The following HAPLN1 variants were observed in gnomAD, a reference collection of about 807,000 sequenced individuals.
The protein encoded by HAPLN1 is hyaluronan and proteoglycan link protein 1, also known as Cartilage link protein.
HAPLN1 carries 13 observed loss-of-function variants against 36.5 expected under a neutral mutation model. The observed-to-expected ratio is 0.36, with a 90% CI of 0.23 to 0.57. HAPLN1 has a LOEUF of 0.57. Ranked by LOEUF, HAPLN1 falls within the 20% of genes least tolerant of loss-of-function variation. HAPLN1 has a pLI of 0.83. For synonymous variants in HAPLN1, 202 were observed against 169.8 expected (o/e 1.19, Z -1.48); for missense variants, 407 against 439.7 (o/e 0.93, Z 0.66).
intron 2 of HAPLN1, among the ~76,000 whole-genome samples, chr5:83,667,043 T>A (rs181111917): frequency 6.6e-6 from 1 of 152,340 alleles, no homozygotes; most frequent in African/African-American, 2.4e-5. Context: ...ACTGTCTCTC[T>A]CACTAGACTA....
At chr5:83,658,047 G>GTTAA (rs1454114285) in intron 2 of HAPLN1, among the ~76,000 whole-genome samples, 1 of 151,888 alleles carries the variant, frequency 6.6e-6, no homozygotes, top group Non-Finnish European at 1.5e-5. Flanking sequence ...CAAACAGAAA[G>GTTAA]TTAATTTCTT....
chr5:83,676,673 T>A (rs561424924), intron 1 of HAPLN1, among the ~76,000 whole-genome samples: 6 of 152,328 alleles, frequency 3.9e-5, no homozygotes, highest in African/African-American at 1.4e-4. Flanking sequence ...CTCCTCTTAA[T>A]GTCTAGGTAT....
intron 1 of HAPLN1, among the ~76,000 whole-genome samples, chr5:83,718,789 C>A (rs560099884): frequency 1.3e-5 from 2 of 152,008 alleles, no homozygotes; most frequent in Non-Finnish European, 2.9e-5. Context: ...CTTAAAAATG[C>A]AATCTGAAAA....
At position 83,652,514 on chromosome 5, in the gene HAPLN1, A is replaced by G. The variant is rs141629132; in HGVS notation, c.411T>C (p.Tyr137=). The G allele has an allele frequency of 1.2e-6, 2 of 1,613,926 alleles. No homozygotes were observed. The highest frequency in any genetic ancestry group is 2.7e-5 in the African/African-American group (2 of 74,920). Residue 137 remains tyrosine (Y), a synonymous_variant, in exon 3 of 5, where the codon TAT becomes TAC. Transcript: ENST00000274341. ...CTAATCCTTCAATCACCTCACACTTATATCTCCCATAATCTTCCAGAGTGA... is the reference window on the plus strand; with the variant it reads ...CTAATCCTTCAATCACCTCACACTTGTATCTCCCATAATCTTCCAGAGTGA... ...TDLTLEDYGR[Y]KCEVIEGLED...
chr5:83,687,265 C>T (rs981324185), intron 1 of HAPLN1, among the ~76,000 whole-genome samples: 2 of 152,114 alleles, frequency 1.3e-5, no homozygotes, highest in Non-Finnish European at 2.9e-5. Flanking sequence ...AAACATCTGC[C>T]GTTCCTCTCA....
intron 3 of HAPLN1, among the ~76,000 whole-genome samples, chr5:83,649,781 C>T (rs1750000764): frequency 6.6e-6 from 1 of 152,150 alleles, no homozygotes; most frequent in African/African-American, 2.4e-5. Context: ...TTCCATGACT[C>T]CCACATTGCA....
At chr5:83,697,769 C>T (rs1054449476) in intron 1 of HAPLN1, among the ~76,000 whole-genome samples, 2 of 152,050 alleles carry the variant, frequency 1.3e-5, no homozygotes, top group African/African-American at 4.8e-5. Flanking sequence ...GGGTATAACT[C>T]GTATTTTCCT....
At chr5:83,644,165 T>C (rs577460865) in intron 4 of HAPLN1, among the ~76,000 whole-genome samples, 198 bp downstream of exon 4, 1 of 152,340 alleles carries the variant, frequency 6.6e-6, no homozygotes, top group East Asian at 1.9e-4. Context: ...ACTGGGAATA[T>C]GTACTTTTGC....
chr5:83,715,952 AGAATG>A (rs1224845970), intron 1 of HAPLN1, among the ~76,000 whole-genome samples: 2 of 152,228 alleles, frequency 1.3e-5, no homozygotes, highest in African/African-American at 4.8e-5. Flanking sequence ...TGATTATTTT[AGAATG>A]GATTTTCATA....
intron 1 of HAPLN1, among the ~76,000 whole-genome samples, chr5:83,686,374 G>C (rs1751127570): frequency 6.6e-6 from 1 of 152,108 alleles, no homozygotes; most frequent in African/African-American, 2.4e-5. Context: ...CTGTCAAATA[G>C]AATCAGTTCT....
chr5:83,645,302 A>G (rs1037492237), intron 3 of HAPLN1, among the ~76,000 whole-genome samples: 4 of 152,126 alleles, frequency 2.6e-5, no homozygotes, highest in African/African-American at 7.2e-5. Flanking sequence ...CAGATAAGTA[A>G]CCTTCACTTA....
At chr5:83,671,469 A>G (rs1750716922) in intron 2 of HAPLN1, among the ~76,000 whole-genome samples, 1 of 152,212 alleles carries the variant, frequency 6.6e-6, no homozygotes, top group Non-Finnish European at 1.5e-5. Flanking sequence ...AAAGTTTTAA[A>G]TATAAGAAAA....
At position 83,637,859 on chromosome 5, in the gene HAPLN1, T is replaced by C. The variant is rs1328915218; in HGVS notation, c.*3637A>G. ...GCACTCATGATTAAGTTATAAAGCATTTAAAATGTGTTAATCTAATCAACA... is the reference window on the plus strand; with the variant it reads ...GCACTCATGATTAAGTTATAAAGCACTTAAAATGTGTTAATCTAATCAACA... On this transcript the variant is annotated 3_prime_UTR_variant, in exon 5 of 5. Coordinates refer to ENST00000274341, the MANE Select transcript of HAPLN1 (RefSeq NM_001884.4). 1 of 152,022 alleles carries C rather than the reference T, an allele frequency of 6.6e-6. No homozygotes were observed. The highest frequency in any genetic ancestry group is 1.5e-5 in the Non-Finnish European group (1 of 67,910). 9.4% of individuals were successfully genotyped at this position (152,022 alleles called of 1,614,324 possible).
intron 1 of HAPLN1, among the ~76,000 whole-genome samples, chr5:83,687,384 A>C (rs1337217523): frequency 6.6e-6 from 1 of 152,198 alleles, no homozygotes; most frequent in Admixed American, 6.5e-5. Flanking sequence ...GCAAGAGCAT[A>C]AATTTCTGTT....
chr5:83,652,423 A>G (rs766567138), intron 3 of HAPLN1, 30 bp downstream of exon 3: 3 of 1,582,498 alleles, frequency 1.9e-6, no homozygotes, highest in Middle Eastern at 1.8e-4. Flanking sequence ...ATGACCATTT[A>G]TACGTTGAAC....
intron 1 of HAPLN1, among the ~76,000 whole-genome samples, chr5:83,700,394 T>A (rs1286823739): frequency 6.6e-6 from 1 of 152,130 alleles, no homozygotes; most frequent in African/African-American, 2.4e-5. Flanking sequence ...CTTATAGCAA[T>A]ATCCATCATG....
rs1454965763 is a variant in HAPLN1 at position 83,673,465 on chromosome 5, T to C, written c.59A>G (p.Asp20Gly). The change falls in exon 2 of 5, where the codon GAC becomes GGC. Residue 20 changes from aspartate (D) to glycine (G), a missense_variant. Coordinates refer to ENST00000274341, the MANE Select transcript of HAPLN1 (RefSeq NM_001884.4). ...ISICWADHLS[D>G]NYTLDHDRAI... is the part of the protein sequence containing the mutation. ...TCTGTCATGATCCAGAGTATAGTTGTCTGAAAGATGATCAGCCCAGCAGAT... is the reference window on the plus strand; with the variant it reads ...TCTGTCATGATCCAGAGTATAGTTGCCTGAAAGATGATCAGCCCAGCAGAT... The C allele has an allele frequency of 6.2e-7, 1 of 1,613,614 alleles. No individual in the cohort carries two copies. Among genetic ancestry groups the C allele is most frequent in the East Asian group, 2.2e-5 (1 of 44,850 alleles).
Position 83,641,263 on chromosome 5 carries a change from C to G in HAPLN1, c.*233G>C, listed in dbSNP as rs1749683247. ...ATGATACAGCTTAAACAGTTTGGCT[C>G]TAAGTCTCCTTACATAGAGCTTCCC... On this transcript the variant is annotated 3_prime_UTR_variant, in exon 5 of 5. Coordinates refer to ENST00000274341, the MANE Select transcript of HAPLN1 (RefSeq NM_001884.4). 1 of 222,748 alleles carries G rather than the reference C, an allele frequency of 4.5e-6. No individual in the cohort carries two copies. The highest frequency in any genetic ancestry group is 8.6e-6 in the Non-Finnish European group (1 of 116,786). The allele number at this position is 222,748 out of a possible 1,614,324, so 13.8% of individuals were successfully genotyped here. A position where few individuals can be genotyped will look rare whatever the true frequency, so the allele number is the denominator to read the frequency against.
At chr5:83,706,451 AT>A (rs1751654154) in intron 1 of HAPLN1, among the ~76,000 whole-genome samples, 1 of 152,254 alleles carries the variant, frequency 6.6e-6, no homozygotes, top group Non-Finnish European at 1.5e-5. Context: ...AATGTGATTC[AT>A]CACATAAACA....
Sources: allele counts gnomAD v4.1 joint callset (sites outside exome capture counted in the v4.1 genomes callset), GRCh38; gene constraint gnomAD v4.1.1; transcripts MANE v1.5; gene names NCBI Gene and HGNC (gene_info 2026-07-23, HGNC 2026-07-21).